TRAF3IP2: variants seen among roughly 807,000 people sequenced by gnomAD.
TRAF3IP2 encodes TRAF3 interacting protein 2, also known as E3 ubiquitin ligase TRAF3IP2.
Under a neutral mutation model 57.9 loss-of-function variants are expected in TRAF3IP2, and 35 were observed. The ratio of observed to expected loss-of-function variants is 0.60; its 90% CI spans 0.46 to 0.80. TRAF3IP2 has a LOEUF of 0.80. TRAF3IP2 is among the 30% of genes least tolerant of loss of function. TRAF3IP2 has a pLI of 0.00. For synonymous variants in TRAF3IP2, 251 were observed against 268.9 expected (o/e 0.93, Z 0.65); for missense variants, 556 against 706.4 (o/e 0.79, Z 2.41).
rs1475762131 is a variant in TRAF3IP2, at chr6:111,591,966, T to G, written c.121A>C (p.Asn41His). The G allele has an allele frequency of 2.5e-6, 4 of 1,614,232 alleles. No homozygotes were observed. In the South Asian group the frequency reaches 4.4e-5, roughly 18 times the overall value. Residue 41 changes from asparagine to histidine, a missense_variant, in exon 2 of 9, where the codon AAC becomes CAC. Physicochemically the swap from Asn to His is moderately conservative, Grantham distance 68. Transcript: ENST00000368761. The surrounding 1 kb of genome is among the most constrained non-coding windows in gnomAD (Gnocchi z 4.9). The stretch of plus-strand genomic sequence containing the variant: ...GCAGACAAGCTGTTGGGTGCCATGT[T>G]CCTTATATTTGGAGCAGGTGGTTCT... Reference protein sequence around the residue: ...ESEPPAPNIRNMAPNSLSAPT... With the variant: ...ESEPPAPNIRHMAPNSLSAPT...
intron 1 of TRAF3IP2, among the ~76,000 whole-genome samples, chr6:111,594,031 T>G (rs1796603364): frequency 6.7e-6 from 1 of 149,122 alleles, no homozygotes; most frequent in Non-Finnish European, 1.5e-5. Flanking sequence ...CTCAGGAGGC[T>G]GAGGCAGGAG....
At chr6:111,595,026 G>A (rs1047229176) in intron 1 of TRAF3IP2, among the ~76,000 whole-genome samples, 41 of 152,350 alleles carry the variant, frequency 2.7e-4, no homozygotes, top group African/African-American at 9.4e-4. Context: ...GAGGTCAGGA[G>A]TTCAAGACTA....
chr6:111,563,051 C>G lies in TRAF3IP2; in HGVS notation c.1477-12G>C. The stretch of plus-strand genomic sequence containing the variant: ...AACTCAATCTGCATCTGAAACCAAA[C>G]AAATGTGAAGGTTTAATTTCAGGAA... On this transcript the variant is annotated splice_polypyrimidine_tract_variant and intron_variant, in intron 7 of 8. Transcript: ENST00000368761. 4 of 1,601,450 alleles carry G rather than the reference C, an allele frequency of 2.5e-6. No homozygotes were observed. The highest frequency in any genetic ancestry group is 3.4e-6 in the Non-Finnish European group (4 of 1,169,902).
intron 1 of TRAF3IP2, among the ~76,000 whole-genome samples, chr6:111,594,910 T>C (rs964827644): frequency 6.6e-6 from 1 of 151,944 alleles, no homozygotes; most frequent in African/African-American, 2.4e-5. Context: ...AGCAAGAACC[T>C]GTCTCAAAAA....
intron 2 of TRAF3IP2, among the ~76,000 whole-genome samples, chr6:111,584,679 A>G (rs1465628577): frequency 6.8e-6 from 1 of 146,248 alleles, no homozygotes; most frequent in African/African-American, 2.5e-5. Context: ...GTTGCTAAAT[A>G]AAAACTATGT....
At chr6:111,561,888 CAGTG>C (rs900322044) in intron 8 of TRAF3IP2, among the ~76,000 whole-genome samples, 14 of 152,174 alleles carry the variant, frequency 9.2e-5, no homozygotes, top group Non-Finnish European at 2.9e-5. Context: ...TAAGTGACAG[CAGTG>C]AGACCCTGGG....
In TRAF3IP2 at chr6:111,572,939, C is replaced by G. The variant is rs200053958; in HGVS notation, c.1246G>C (p.Val416Leu). ...ACCAACAAAAAGTTCACGAATTTCACCACCTCCATAGCTGTGTCCATCGAA... is the reference window on the plus strand; with the variant it reads ...ACCAACAAAAAGTTCACGAATTTCAGCACCTCCATAGCTGTGTCCATCGAA... ...TYSMDTAMEV[V>L]KFVNFLLVNG... The change falls in exon 5 of 9, where the codon GTG (valine) becomes CTG (leucine). Residue 416 changes from valine to leucine, a missense_variant. Val to Leu is a conservative substitution (Grantham distance 32). Transcript: ENST00000368761. 9 of 1,614,100 alleles carry G rather than the reference C, an allele frequency of 5.6e-6. No homozygotes were observed. The highest frequency in any genetic ancestry group is 7.6e-6 in the Non-Finnish European group (9 of 1,180,000).
In TRAF3IP2 at chr6:111,591,572, C is replaced by T. The variant is rs755391775; in HGVS notation, c.515G>A (p.Gly172Asp). Residue 172 changes from glycine (G) to aspartate (D), a missense_variant, in exon 2 of 9, where the codon GGC (glycine) becomes GAC (aspartate). By Grantham distance (94) the Gly-to-Asp change is moderately conservative. This residue lies in a region of TRAF3IP2 where 428 missense variants were observed against 498.7 expected (regional missense o/e 0.86). Coordinates refer to ENST00000368761, the MANE Select transcript of TRAF3IP2 (RefSeq NM_147686.4). The surrounding 1 kb of genome is among the most constrained non-coding windows in gnomAD (Gnocchi z 4.9). ...SLPNASADSL[G>D]GSQEMVQRPQ... ...CCGTTGCACCATCTCCTGGCTACCG[C>T]CCAAGGAGTCTGCTGAGGCATTAGG... 19 of 1,614,108 alleles carry T rather than the reference C, an allele frequency of 1.2e-5. No homozygotes were observed. Among genetic ancestry groups the T allele is most frequent in the Non-Finnish European group, 1.6e-5 (19 of 1,180,050 alleles).
At chr6:111,567,433 T>C in intron 6 of TRAF3IP2, 191 bp downstream of exon 6, 3 of 1,323,600 alleles carry the variant, frequency 2.3e-6, no homozygotes, top group Non-Finnish European at 2.9e-6. Flanking sequence ...TTCCTGCCTG[T>C]GCATGTCCAA....
Position 111,591,220 on chromosome 6 carries a change from C to T in TRAF3IP2, c.829+38G>A. 7.0e-7 allele frequency: 1 copy of T among 1,435,694 alleles called. No individual in the cohort carries two copies. Among genetic ancestry groups the T allele is most frequent in the Non-Finnish European group, 9.2e-7 (1 of 1,084,840 alleles). 88.9% of individuals were successfully genotyped at this position (1,435,694 alleles called of 1,614,324 possible). On this transcript the variant is annotated intron_variant, in intron 2 of 8. Transcript: ENST00000368761. This position sits in a 1 kb window ranked among gnomAD's most constrained non-coding sequence, Gnocchi z 4.9. ...GTGAGGCCCTTGTTTCTTCAGTCAC[C>T]CAGCCCAGAATGCCCAGAGGAGGTA...
intron 1 of TRAF3IP2, among the ~76,000 whole-genome samples, chr6:111,596,967 G>A (rs1796712351): frequency 1.3e-5 from 2 of 152,222 alleles, no homozygotes; most frequent in African/African-American, 4.8e-5. Flanking sequence ...CTGGCACATA[G>A]TAGGTGCTCA....
At chr6:111,586,680 T>C (rs1294354635) in intron 2 of TRAF3IP2, among the ~76,000 whole-genome samples, 1 of 152,146 alleles carries the variant, frequency 6.6e-6, no homozygotes, top group Non-Finnish European at 1.5e-5. Context: ...TAAAGCTGAG[T>C]AGAGCCACGT....
intron 1 of TRAF3IP2, among the ~76,000 whole-genome samples, chr6:111,597,685 G>C (rs1240950057): frequency 6.6e-6 from 1 of 152,190 alleles, no homozygotes; most frequent in East Asian, 1.9e-4. Context: ...CAGAGGGTGA[G>C]AGCATGTACC....
chr6:111,582,586 A>T (rs1189414198), intron 2 of TRAF3IP2, among the ~76,000 whole-genome samples: 2 of 152,126 alleles, frequency 1.3e-5, no homozygotes, highest in Non-Finnish European at 2.9e-5. Context: ...GGTCCAGATC[A>T]CCAGTTGCAG....
intron 3 of TRAF3IP2, chr6:111,576,282 T>A (rs916045950): frequency 1.3e-5 from 2 of 153,854 alleles, no homozygotes; most frequent in African/African-American, 2.4e-5. Flanking sequence ...TGTTGACATA[T>A]AAATGGAAAT....
chr6:111,597,876 C>T (rs766847191), intron 1 of TRAF3IP2: 30 of 455,964 alleles, frequency 6.6e-5, no homozygotes, highest in South Asian at 4.3e-4. Flanking sequence ...TCTGGCATGA[C>T]CTTTGCTCCA....
At chr6:111,594,905 G>C (rs1021413752) in intron 1 of TRAF3IP2, among the ~76,000 whole-genome samples, 22 of 152,038 alleles carry the variant, frequency 1.4e-4, no homozygotes, top group Non-Finnish European at 7.4e-5. Context: ...GACAGAGCAA[G>C]AACCTGTCTC....
chr6:111,561,900 G>A (rs1432111442), intron 8 of TRAF3IP2, among the ~76,000 whole-genome samples: 2 of 152,120 alleles, frequency 1.3e-5, no homozygotes, highest in Non-Finnish European at 2.9e-5. Context: ...GTGAGACCCT[G>A]GGCAAAGGCA....
rs61757647 is a variant in TRAF3IP2 at position 111,572,952 on chromosome 6, T to A, written c.1233A>T (p.Thr411=). 466 of 1,614,084 alleles carry A rather than the reference T, an allele frequency of 2.9e-4. 3 individuals carry two copies. In the African/African-American group the frequency reaches 5.6e-3, roughly 19 times the overall value. Residue 411 remains threonine, a synonymous_variant, in exon 5 of 9, where the codon ACA becomes ACT. Coordinates refer to ENST00000368761, the MANE Select transcript of TRAF3IP2 (RefSeq NM_147686.4). ...RKVFITYSMD[T]AMEVVKFVNF... is the part of the protein sequence containing the mutation. Reference sequence around the variant, plus strand: ...TCACGAATTTCACCACCTCCATAGCTGTGTCCATCGAATAAGTGATAAAGA... The same window carrying A: ...TCACGAATTTCACCACCTCCATAGCAGTGTCCATCGAATAAGTGATAAAGA...
Sources: gnomAD v4.1 joint callset for allele counts (sites outside exome capture counted in the v4.1 genomes callset) on GRCh38, gnomAD v4.1.1 for gene constraint, gnomAD v4.1.1 regional missense constraint, Gnocchi (gnomAD v3.1) non-coding constraint, MANE v1.5 for transcripts, NCBI Gene and HGNC (gene_info 2026-07-23, HGNC 2026-07-21) for gene names.